SQOR: variants seen among roughly 807,000 people sequenced by gnomAD.
SQOR encodes sulfide quinone oxidoreductase, also known as sulfide:quinone oxidoreductase, mitochondrial.
In SQOR, 39 loss-of-function variants were observed where a neutral mutation model predicts 48.6. The ratio of observed to expected loss-of-function variants is 0.80; its 90% CI spans 0.62 to 1.05. The LOEUF (loss-of-function observed/expected upper bound fraction) is 1.05, where lower values mean the gene tolerates loss of function less well. SQOR is among the 50% of genes least tolerant of loss of function. SQOR has a pLI of 0.00. For synonymous variants in SQOR, 220 were observed against 206.2 expected (o/e 1.07, Z -0.57); for missense variants, 561 against 559.9 (o/e 1.00, Z -0.02).
intron 1 of SQOR, among the ~76,000 whole-genome samples, chr15:45,655,179 C>T (rs139057584): frequency 6.6e-6 from 1 of 152,322 alleles, no homozygotes; most frequent in African/African-American, 2.4e-5. Flanking sequence ...TCTTGTATCA[C>T]TTGGAGGCCA....
chr15:45,664,149 G>A lies in SQOR; in HGVS notation c.405+2024G>A, dbSNP rs536154078. Among the ~76,000 whole-genome samples, 8 of 152,276 alleles carry A rather than the reference G, an allele frequency of 5.3e-5. 1 individual carries two copies. The South Asian group carries it at 1.5e-3, about 28-fold the overall frequency. Reference sequence around the variant, plus strand: ...TATTTACATAGTCCATGGCCAAGGAGTTCTCTGATAAGTTAACTCTTCATC... The same window carrying A: ...TATTTACATAGTCCATGGCCAAGGAATTCTCTGATAAGTTAACTCTTCATC... On this transcript the variant is annotated intron_variant, in intron 3 of 9. Transcript: ENST00000260324.
chr15:45,672,169 A>G (rs760109336), intron 4 of SQOR, among the ~76,000 whole-genome samples: 2 of 152,000 alleles, frequency 1.3e-5, no homozygotes, highest in Non-Finnish European at 2.9e-5. Flanking sequence ...TGCTTTGGGA[A>G]CTAGAAGGTA....
At chr15:45,676,651 C>A (rs1890041658) in intron 6 of SQOR, among the ~76,000 whole-genome samples, 1 of 152,146 alleles carries the variant, frequency 6.6e-6, no homozygotes, top group South Asian at 2.1e-4. Context: ...TAAGGGAGGG[C>A]TTCCTCGAAT....
chr15:45,667,937 CTTTCTTTTT>C (rs1407818714), intron 3 of SQOR, among the ~76,000 whole-genome samples: 7 of 99,528 alleles, frequency 7.0e-5, no homozygotes, highest in Non-Finnish European at 1.3e-4. Flanking sequence ...TTCTTTCTTT[CTTTCTTTTT>C]TTTTTTTTTT....
At chr15:45,653,335 T>G (rs1347429514) in intron 1 of SQOR, among the ~76,000 whole-genome samples, 1 of 152,138 alleles carries the variant, frequency 6.6e-6, no homozygotes, top group African/African-American at 2.4e-5. Flanking sequence ...CCATGATCCA[T>G]CCTCCTCAGG....
chr15:45,651,800 A>G (rs1239066690), intron 1 of SQOR, among the ~76,000 whole-genome samples: 1 of 151,768 alleles, frequency 6.6e-6, no homozygotes, highest in African/African-American at 2.4e-5. Context: ...TCTTGTAAGA[A>G]TGTAGAGATG....
chr15:45,639,566 G>T (rs1334477293), intron 1 of SQOR, among the ~76,000 whole-genome samples: 3 of 152,220 alleles, frequency 2.0e-5, no homozygotes, highest in African/African-American at 7.2e-5. Context: ...ACTTCTGGGA[G>T]GGAGGGCTGC....
chr15:45,690,817 C>G (rs577185468), intron 9 of SQOR, among the ~76,000 whole-genome samples, 156 bp from the exon 10 acceptor site: 2 of 152,188 alleles, frequency 1.3e-5, no homozygotes, highest in Admixed American at 6.5e-5. Flanking sequence ...TTGTCCCCTC[C>G]TAGTCATGGG....
In SQOR at chr15:45,662,128, A is replaced by G. The variant is rs1219899730; in HGVS notation, c.405+3A>G. ...TTCACACAGATGACGACGAGAAGGT[A>G]ACCACTGAGGCCTTTAGATTTTTTG... is the stretch of plus-strand genomic sequence containing the variant. On this transcript the variant is annotated splice_donor_region_variant and intron_variant, in intron 3 of 9. Transcript: ENST00000260324. 7 of 1,613,548 alleles carry G rather than the reference A, an allele frequency of 4.3e-6. No individual in the cohort carries two copies. In the South Asian group the frequency reaches 5.5e-5, roughly 13 times the overall value.
At chr15:45,663,654 C>A (rs1309355947) in intron 3 of SQOR, among the ~76,000 whole-genome samples, 1 of 152,038 alleles carries the variant, frequency 6.6e-6, no homozygotes, top group African/African-American at 2.4e-5. Context: ...GTGGTTCCAG[C>A]TACTTGGGAG....
At chr15:45,655,892 G>A (rs143103147) in intron 1 of SQOR, among the ~76,000 whole-genome samples, 1,777 of 151,540 alleles carry the variant, frequency 0.012, 13 homozygotes, top group Middle Eastern at 0.024. Flanking sequence ...TCACCATGTT[G>A]GCCAGGATGG....
chr15:45,646,680 T>C (rs939562172), intron 1 of SQOR, among the ~76,000 whole-genome samples: 1 of 152,242 alleles, frequency 6.6e-6, no homozygotes, highest in Non-Finnish European at 1.5e-5. Flanking sequence ...TCACTCATTT[T>C]AAGTTTTTAT....
chr15:45,654,393 CT>C (rs1187095392), intron 1 of SQOR, among the ~76,000 whole-genome samples: 3 of 152,196 alleles, frequency 2.0e-5, no homozygotes, highest in Non-Finnish European at 4.4e-5. Context: ...TGAAATTTGA[CT>C]GCAAAGGCCA....
chr15:45,641,158 A>G (rs1436107467), intron 1 of SQOR, among the ~76,000 whole-genome samples: 2 of 152,070 alleles, frequency 1.3e-5, no homozygotes, highest in African/African-American at 4.8e-5. Context: ...TGTAAATATA[A>G]TTTGTGTTTT....
intron 5 of SQOR, 50 bp from the exon 6 acceptor site, chr15:45,676,051 A>AT: frequency 8.8e-6 from 13 of 1,485,390 alleles, no homozygotes; most frequent in South Asian, 1.2e-5. Flanking sequence ...AAAAAAAAAA[A>AT]GGCAGCTGCA....
At chr15:45,647,046 C>T (rs549866967) in intron 1 of SQOR, among the ~76,000 whole-genome samples, 8 of 152,084 alleles carry the variant, frequency 5.3e-5, no homozygotes, top group South Asian at 4.2e-4. Flanking sequence ...GTCAGGAGTT[C>T]GACACCAGCT....
chr15:45,687,467 A>C (rs1296386075), intron 7 of SQOR, among the ~76,000 whole-genome samples: 1 of 152,226 alleles, frequency 6.6e-6, no homozygotes, highest in Admixed American at 6.5e-5. Context: ...TATATGAAGA[A>C]ACTATTACTA....
intron 2 of SQOR, 129 bp from the exon 3 acceptor site, chr15:45,661,826 G>A: frequency 1.1e-6 from 1 of 949,274 alleles, no homozygotes; most frequent in Non-Finnish European, 1.5e-6. Context: ...TAACTTTGTG[G>A]AGACTTTTCC....
At chr15:45,663,999 C>G (rs932518134) in intron 3 of SQOR, among the ~76,000 whole-genome samples, 2 of 151,944 alleles carry the variant, frequency 1.3e-5, no homozygotes, top group Non-Finnish European at 2.9e-5. Context: ...TCAACATAGA[C>G]ATGATAAGTA....
Sources: gnomAD v4.1 joint callset for allele counts (sites outside exome capture counted in the v4.1 genomes callset) on GRCh38, gnomAD v4.1.1 for gene constraint, MANE v1.5 for transcripts, NCBI Gene and HGNC (gene_info 2026-07-23, HGNC 2026-07-21) for gene names.